HSPA12A: variants seen among roughly 807,000 people sequenced by gnomAD.
HSPA12A encodes heat shock protein family A (Hsp70) member 12A, also known as heat shock 70 kDa protein 12A.
In HSPA12A, 28 loss-of-function variants were observed where a neutral mutation model predicts 69.2. The observed-to-expected ratio is 0.40, with a 90% CI of 0.30 to 0.55. HSPA12A has a LOEUF of 0.55. HSPA12A is among the 20% of genes least tolerant of loss of function. The pLI, the probability that HSPA12A is intolerant of heterozygous loss-of-function variation, is 0.38. For synonymous variants in HSPA12A, 345 were observed against 370.5 expected (o/e 0.93, Z 0.79); for missense variants, 686 against 900.7 (o/e 0.76, Z 3.05).
chr10:116,682,066 G>A (rs1849421538), intron 7 of HSPA12A, among the ~76,000 whole-genome samples, 189 bp from the exon 8 acceptor site: 1 of 152,124 alleles, frequency 6.6e-6, no homozygotes, highest in Non-Finnish European at 1.5e-5. Flanking sequence ...GATTTCCACC[G>A]GCCTTCCTCT....
chr10:116,729,208 G>A (rs1014628564), intron 1 of HSPA12A, among the ~76,000 whole-genome samples: 11 of 152,160 alleles, frequency 7.2e-5, no homozygotes, highest in Admixed American at 3.9e-4. Context: ...GGAGCACGCC[G>A]GGAAGGTCAC....
At chr10:116,828,315 C>T (rs1368072995) in intron 2 of HSPA12A, among the ~76,000 whole-genome samples, 1 of 152,174 alleles carries the variant, frequency 6.6e-6, no homozygotes, top group African/African-American at 2.4e-5. Flanking sequence ...AGCTTTACTG[C>T]ATGTGAATTA....
intron 1 of HSPA12A, among the ~76,000 whole-genome samples, chr10:116,845,140 C>T (rs541603311): frequency 6.6e-6 from 1 of 152,312 alleles, no homozygotes; most frequent in Admixed American, 6.5e-5. Context: ...ACACCAAATA[C>T]TCCCCCAACA....
At chr10:116,714,842 A>T (rs1200313839) in intron 1 of HSPA12A, among the ~76,000 whole-genome samples, 1 of 152,236 alleles carries the variant, frequency 6.6e-6, no homozygotes, top group South Asian at 2.1e-4. Context: ...GGCACTGCAC[A>T]TGCTGTTCCC....
chr10:116,692,625 T>G (rs1849769396), intron 5 of HSPA12A, among the ~76,000 whole-genome samples, 158 bp from the exon 6 acceptor site: 1 of 152,220 alleles, frequency 6.6e-6, no homozygotes, highest in Non-Finnish European at 1.5e-5. Context: ...AAAGATCTGT[T>G]TCCTGAATAT....
chr10:116,736,313 C>A (rs549198260), intron 1 of HSPA12A, among the ~76,000 whole-genome samples: 32 of 152,226 alleles, frequency 2.1e-4, no homozygotes, highest in African/African-American at 5.3e-4. Flanking sequence ...GCACGAGGAA[C>A]CTGACCTAAT....
Position 116,707,192 on chromosome 10 carries a change from C to A in HSPA12A, c.126+8G>T. 1 of 1,556,866 alleles carries A rather than the reference C, an allele frequency of 6.4e-7. No homozygotes were observed. Among genetic ancestry groups the A allele is most frequent in the East Asian group, 2.3e-5 (1 of 44,338 alleles). On this transcript the variant is annotated splice_region_variant and intron_variant, in intron 2 of 11. Coordinates refer to ENST00000369209, the MANE Select transcript of HSPA12A (RefSeq NM_025015.3). ...ACACACACACACACACACACACACA[C>A]TTCTTACCACAATATGGGAGGGGGA...
At chr10:116,786,983 G>GACAC (rs111355992) in intron 2 of HSPA12A, among the ~76,000 whole-genome samples, 1,442 of 66,804 alleles carry the variant, frequency 0.022, 24 homozygotes, top group African/African-American at 0.049. Flanking sequence ...TCACCTCCCG[G>GACAC]ACACACACAC....
intron 11 of HSPA12A, 76 bp downstream of exon 11, chr10:116,676,323 A>G: frequency 8.1e-7 from 1 of 1,233,544 alleles, no homozygotes; most frequent in Non-Finnish European, 1.2e-6. Context: ...CACAGGCACC[A>G]GCTGGTGATG....
intron 2 of HSPA12A, among the ~76,000 whole-genome samples, chr10:116,798,719 CA>C (rs1483825180): frequency 6.6e-6 from 1 of 152,120 alleles, no homozygotes; most frequent in African/African-American, 2.4e-5. Context: ...ACTGAAAACC[CA>C]ACTGAATTAA....
rs200393309 is a variant in HSPA12A, at chr10:116,786,013, C to A, written c.91+48922G>T. On this transcript the variant is annotated intron_variant, in intron 2 of 12. Coordinates refer to the HSPA12A transcript ENST00000635765. Reference sequence around the variant, plus strand: ...CCCGACTCCTGCACCCGTCATGAGGCCTTTGCTGATCTAACGCCCACCTGT... The same window carrying A: ...CCCGACTCCTGCACCCGTCATGAGGACTTTGCTGATCTAACGCCCACCTGT... Among the ~76,000 whole-genome samples the A allele has an allele frequency of 1.1e-4, 16 of 152,264 alleles. No homozygotes were observed. In the East Asian group the frequency reaches 1.4e-3, roughly 13 times the overall value.
intron 2 of HSPA12A, among the ~76,000 whole-genome samples, chr10:116,784,511 A>T (rs1323236948): frequency 2.0e-5 from 3 of 152,244 alleles, no homozygotes; most frequent in African/African-American, 7.2e-5. Context: ...TTAGAGTGGT[A>T]CCTGGACTCT....
chr10:116,817,654 G>A (rs1845332050), intron 2 of HSPA12A, among the ~76,000 whole-genome samples: 1 of 152,120 alleles, frequency 6.6e-6, no homozygotes, highest in African/African-American at 2.4e-5. Flanking sequence ...GAGAATCGCG[G>A]CCATTGTTAA....
chr10:116,781,305 A>G (rs1844457652), intron 2 of HSPA12A, among the ~76,000 whole-genome samples: 1 of 151,912 alleles, frequency 6.6e-6, no homozygotes. Flanking sequence ...AAAACAGAAA[A>G]AAAAAAATGG....
intron 1 of HSPA12A, among the ~76,000 whole-genome samples, chr10:116,846,618 G>T (rs1424330426): frequency 6.6e-6 from 1 of 152,112 alleles, no homozygotes; most frequent in African/African-American, 2.4e-5. Flanking sequence ...AAAGTGTTGG[G>T]ATTACAGGCG....
intron 2 of HSPA12A, chr10:116,831,272 A>G (rs1024425735): frequency 1.3e-5 from 2 of 152,208 alleles, no homozygotes; most frequent in Admixed American, 6.5e-5. Flanking sequence ...AAAAAGGTCA[A>G]TCTAACTTGG....
At chr10:116,842,884 C>T (rs769422709) in intron 1 of HSPA12A, among the ~76,000 whole-genome samples, 18 of 152,222 alleles carry the variant, frequency 1.2e-4, no homozygotes, top group Non-Finnish European at 2.4e-4. Flanking sequence ...TGAGCCACCA[C>T]ACCCAGCCAG....
intron 5 of HSPA12A, among the ~76,000 whole-genome samples, chr10:116,693,816 C>T (rs1004266194): frequency 1.3e-5 from 2 of 152,186 alleles, no homozygotes; most frequent in African/African-American, 4.8e-5. Context: ...TGTACACACC[C>T]TAAAATTCAT....
At chr10:116,692,507 G>T in intron 5 of HSPA12A, 40 bp from the exon 6 acceptor site, 1 of 1,512,492 alleles carries the variant, frequency 6.6e-7, no homozygotes, top group Non-Finnish European at 9.2e-7. Flanking sequence ...TCAAGTGGCA[G>T]CTGGTTCCTG....
Sources: gnomAD v4.1 joint callset for allele counts (sites outside exome capture counted in the v4.1 genomes callset) on GRCh38, gnomAD v4.1.1 for gene constraint, MANE v1.5 for transcripts, NCBI Gene and HGNC (gene_info 2026-07-23, HGNC 2026-07-21) for gene names.